B4GALNT3: variants seen among roughly 807,000 people sequenced by gnomAD.
B4GALNT3 encodes beta-1,4-N-acetylgalactosaminyltransferase 3.
B4GALNT3 carries 86 observed loss-of-function variants against 120.2 expected under a neutral mutation model. The observed-to-expected ratio is 0.72, with a 90% CI of 0.60 to 0.86. B4GALNT3 has a LOEUF of 0.86. B4GALNT3 is among the 40% of genes least tolerant of loss of function. The pLI is 0.00. For missense variants in B4GALNT3, 1,167 were observed against 1,298.9 expected (o/e 0.90, Z 1.56); for synonymous variants, 518 against 510.4 (o/e 1.01, Z -0.20).
At position 487,724 on chromosome 12, in the gene B4GALNT3, AAAG is replaced by A. The variant is rs554564949; in HGVS notation, c.169+27182_169+27184del. On this transcript the variant is annotated intron_variant, in intron 1 of 19. Transcript: ENST00000266383. ...CGAGACTCTATCTTGAAAAAAAAAA[AAAG>A]AAAGAAAAGAAGAAGAAGACCAAGA... is the stretch of plus-strand genomic sequence containing the variant. Among the ~76,000 whole-genome samples the A allele has an allele frequency of 1.9e-4, 29 of 151,770 alleles. 1 individual carries two copies. In the South Asian group the frequency reaches 2.9e-3, roughly 15 times the overall value.
In B4GALNT3 at chr12:528,536, G is replaced by T. The variant is rs150295474; in HGVS notation, c.170-6630G>T. On this transcript the variant is annotated intron_variant, in intron 1 of 19. Transcript: ENST00000266383. The stretch of plus-strand genomic sequence containing the variant: ...TTTTTCTCGCATCAAGTTCCCTGGC[G>T]CATCGTGTACTAGAAAGGATAGGTT... Among the ~76,000 whole-genome samples the T allele has an allele frequency of 2.9e-3, 439 of 152,346 alleles. 1 individual carries two copies. Among genetic ancestry groups the T allele is most frequent in the South Asian group, 6.8e-3 (33 of 4,828 alleles).
chr12:512,825 C>T lies in B4GALNT3; in HGVS notation c.170-22341C>T, dbSNP rs150053413. ...CCACCTTCTTCCACCTTCCACCTTC[C>T]GCCTTCTGCCTTCCACCTTCCGCCT... is the stretch of plus-strand genomic sequence containing the variant. On this transcript the variant is annotated intron_variant, in intron 1 of 19. Transcript: ENST00000266383. Among the ~76,000 whole-genome samples, 861 of 148,572 alleles carry T rather than the reference C, an allele frequency of 5.8e-3. 4 individuals are homozygous for T. The highest frequency in any genetic ancestry group is 9.1e-3 in the Non-Finnish European group (609 of 67,096).
chr12:476,450 G>T (rs1946186226), intron 1 of B4GALNT3, among the ~76,000 whole-genome samples: 1 of 152,008 alleles, frequency 6.6e-6, no homozygotes, highest in African/African-American at 2.4e-5. Flanking sequence ...ATAAAATAAA[G>T]AAAAATTAGC....
intron 1 of B4GALNT3, among the ~76,000 whole-genome samples, chr12:484,717 A>G (rs1429650200): frequency 6.6e-6 from 1 of 150,596 alleles, no homozygotes; most frequent in African/African-American, 2.4e-5. Context: ...TGGCCCAAGG[A>G]TTAGGCAGGA....
In B4GALNT3 at chr12:561,436, G is replaced by A. The variant is rs752664727; in HGVS notation, c.2982G>A (p.Gln994=). The A allele has an allele frequency of 6.2e-7, 1 of 1,612,982 alleles. No homozygotes were observed. The highest frequency in any genetic ancestry group is 1.7e-5 in the Admixed American group (1 of 60,012). Residue 994 remains glutamine (Q), a synonymous_variant, in exon 20 of 20, where the codon CAG becomes CAA. Transcript: ENST00000266383. ...AGCGAGGCATGTGGAGCCGTCGCCA[G>A]ATGAAGACGCTGTAGCCGGAGGGTG... is the stretch of plus-strand genomic sequence containing the variant. ...HSKRGMWSRR[Q]MKTL is the part of the protein sequence containing the mutation.
At chr12:470,093 G>C (rs918660948) in intron 1 of B4GALNT3, among the ~76,000 whole-genome samples, 2 of 152,228 alleles carry the variant, frequency 1.3e-5, no homozygotes, top group Admixed American at 6.5e-5. Flanking sequence ...TTTGGAGTGA[G>C]ATGCTTCCTT....
intron 1 of B4GALNT3, among the ~76,000 whole-genome samples, chr12:493,786 A>C (rs534269223): frequency 7.2e-5 from 11 of 152,302 alleles, no homozygotes; most frequent in African/African-American, 2.2e-4. Flanking sequence ...ATTTGGAGGC[A>C]GTTTAAAAAA....
chr12:462,712 TC>T (rs1207400663), intron 1 of B4GALNT3, among the ~76,000 whole-genome samples: 1 of 152,134 alleles, frequency 6.6e-6, no homozygotes, highest in Non-Finnish European at 1.5e-5. Context: ...GTGCAGGGTG[TC>T]TTTTTGTCCT....
chr12:553,266 A>G lies in B4GALNT3; in HGVS notation c.1343A>G (p.Gln448Arg), dbSNP rs779001730. The change falls in exon 14 of 20, where the codon CAG becomes CGG. Residue 448 changes from glutamine to arginine, a missense_variant. By Grantham distance (43) the Gln-to-Arg change is conservative. This residue lies in a region of B4GALNT3 where 983 missense variants were observed against 1,102.5 expected (regional missense o/e 0.89). Coordinates refer to ENST00000266383, the MANE Select transcript of B4GALNT3 (RefSeq NM_173593.4). ...VAEETPASNN[Q>R]NARMLEGRQT... ...GAGGAGACCCCTGCCTCCAACAACC[A>G]GAATGCCAGGATGCTTGAGGGAAGA... is the stretch of plus-strand genomic sequence containing the variant. 10 of 1,613,510 alleles carry G rather than the reference A, an allele frequency of 6.2e-6. No homozygotes were observed. The South Asian group carries it at 9.9e-5, about 16-fold the overall frequency.
intron 14 of B4GALNT3, among the ~76,000 whole-genome samples, chr12:556,264 A>G (rs1947155229): frequency 1.3e-5 from 2 of 152,034 alleles, no homozygotes; most frequent in African/African-American, 2.4e-5. Flanking sequence ...TTCTCAGGGA[A>G]CCTCTTCAGT....
At chr12:532,740 G>A (rs1212605939) in intron 1 of B4GALNT3, among the ~76,000 whole-genome samples, 4 of 152,152 alleles carry the variant, frequency 2.6e-5, no homozygotes, top group African/African-American at 7.2e-5. Context: ...ATGAGGTCTT[G>A]TAAAAAAGAG....
chr12:549,015 T>C (rs11063541), intron 9 of B4GALNT3, among the ~76,000 whole-genome samples: 31,242 of 152,188 alleles, frequency 0.21, 3,377 homozygotes, highest in Non-Finnish European at 0.24. Flanking sequence ...AGGAAACCTG[T>C]TCACCTGCCT....
intron 1 of B4GALNT3, among the ~76,000 whole-genome samples, chr12:468,017 C>G (rs1445703389): frequency 6.6e-6 from 1 of 152,148 alleles, no homozygotes. Flanking sequence ...CTGTATTTTT[C>G]TACTAATTTT....
In B4GALNT3 at chr12:545,466, C is replaced by A. The variant is rs146074466; in HGVS notation, c.636C>A (p.Gly212=). The stretch of plus-strand genomic sequence containing the variant: ...GCCTCCAGCTGCTGGCCAGTGTGGG[C>A]AAGGTAAGGCCAGCTCAACCCCGGT... ...VSGLQLLASV[G]KTGKEWTAPG... The change falls in exon 6 of 20, where the codon GGC becomes GGA. Residue 212 remains glycine, a synonymous_variant. Transcript: ENST00000266383. 255 of 1,600,740 alleles carry A rather than the reference C, an allele frequency of 1.6e-4. No individual in the cohort carries two copies. The highest frequency in any genetic ancestry group is 5.0e-4 in the Middle Eastern group (3 of 6,030).
intron 1 of B4GALNT3, among the ~76,000 whole-genome samples, chr12:517,233 C>T (rs1360951612): frequency 1.3e-5 from 2 of 152,070 alleles, no homozygotes. Flanking sequence ...ATGGCAAAGA[C>T]AAATATCGGG....
chr12:471,388 A>C (rs1332187149), intron 1 of B4GALNT3, among the ~76,000 whole-genome samples: 1 of 97,488 alleles, frequency 1.0e-5, no homozygotes, highest in East Asian at 3.6e-4. Context: ...CTGTCTCAAT[A>C]AATAAATAAA....
chr12:511,294 C>CCTT (rs1301967916), intron 1 of B4GALNT3, among the ~76,000 whole-genome samples: 2 of 48,740 alleles, frequency 4.1e-5, no homozygotes, highest in South Asian at 8.7e-4. Flanking sequence ...CCACCTTCGA[C>CCTT]CTTCCACCTT....
chr12:535,305 C>A, intron 2 of B4GALNT3, 36 bp downstream of exon 2: 1 of 1,579,506 alleles, frequency 6.3e-7, no homozygotes, highest in Non-Finnish European at 8.7e-7. Flanking sequence ...CCTGCTGATG[C>A]CTTAACAAAG....
chr12:519,596 G>GTT (rs1185347999), intron 1 of B4GALNT3, among the ~76,000 whole-genome samples: 1 of 88,630 alleles, frequency 1.1e-5, no homozygotes, highest in Non-Finnish European at 2.2e-5. Context: ...TTTCCTTTCT[G>GTT]CTTTTTTTTT....
Sources: allele counts gnomAD v4.1 joint callset (sites outside exome capture counted in the v4.1 genomes callset), GRCh38; gene constraint gnomAD v4.1.1; regional missense constraint gnomAD v4.1.1; transcripts MANE v1.5; gene names NCBI Gene and HGNC (gene_info 2026-07-23, HGNC 2026-07-21).